The following CNTNAP4 variants were observed in gnomAD, a reference collection of about 807,000 sequenced individuals.
CNTNAP4 encodes contactin associated protein family member 4.
A neutral mutation model predicts 148.4 loss-of-function variants in CNTNAP4; 98 were observed. The observed-to-expected ratio is 0.66, with a 90% CI of 0.56 to 0.78. The LOEUF is 0.78. CNTNAP4 is among the 30% of genes least tolerant of loss of function. The pLI is 0.00. For synonymous variants in CNTNAP4, 730 were observed against 565.1 expected, an observed-to-expected ratio of 1.29 and a Z score of -4.14; for missense variants, 1,935 against 1,565.6, an observed-to-expected ratio of 1.24 and a Z score of -3.98.
intron 15 of CNTNAP4, among the ~76,000 whole-genome samples, chr16:76,512,503 A>G (rs1185978694): frequency 6.6e-6 from 1 of 152,172 alleles, no homozygotes; most frequent in Non-Finnish European, 1.5e-5. Context: ...GTTTGATCTA[A>G]TCAATTAGAG....
At chr16:76,425,263 A>G (rs185847767) in intron 3 of CNTNAP4, among the ~76,000 whole-genome samples, 6 of 152,314 alleles carry the variant, frequency 3.9e-5, no homozygotes, top group Admixed American at 1.3e-4. Flanking sequence ...GCGCTAGGTA[A>G]GTGTCCCTGC....
rs532511102 is a variant in CNTNAP4, at chr16:76,475,939, G to A, written c.1656G>A (p.Arg552=). Residue 552 remains arginine (R), a splice_region_variant and synonymous_variant, in exon 11 of 24, where the codon AGG becomes AGA. Transcript: ENST00000611870. ...TGATTGTATCTGCACCTTCTTTTAGGTGTTTGCCCAACTATTGTGAACACG... is the reference window on the plus strand; with the variant it reads ...TGATTGTATCTGCACCTTCTTTTAGATGTTTGCCCAACTATTGTGAACACG... ...LQIDSCGISD[R]CLPNYCEHGG... is the part of the protein sequence containing the mutation. The A allele has an allele frequency of 2.5e-6, 4 of 1,611,180 alleles. No individual in the cohort carries two copies. The highest frequency in any genetic ancestry group is 1.3e-5 in the African/African-American group (1 of 74,980).
intron 21 of CNTNAP4, among the ~76,000 whole-genome samples, chr16:76,546,572 C>T (rs1004173834): frequency 2.0e-5 from 3 of 152,196 alleles, no homozygotes; most frequent in South Asian, 2.1e-4. Flanking sequence ...AAGCTCAGGG[C>T]TCTCACTGAT....
At chr16:76,526,158 A>C (rs1333939916) in intron 17 of CNTNAP4, among the ~76,000 whole-genome samples, 1 of 152,100 alleles carries the variant, frequency 6.6e-6, no homozygotes, top group Non-Finnish European at 1.5e-5. Flanking sequence ...GAGTCCTCCT[A>C]ATTTGAGCAG....
chr16:76,538,091 A>C (rs758832912), intron 18 of CNTNAP4, 25 bp from the exon 19 acceptor site: 5 of 1,064,002 alleles, frequency 4.7e-6, no homozygotes, highest in Non-Finnish European at 6.2e-6. Context: ...ATTTTTAACA[A>C]AAATATATAT....
At chr16:76,542,344 G>C (rs1568578497) in intron 21 of CNTNAP4, among the ~76,000 whole-genome samples, 1 of 152,148 alleles carries the variant, frequency 6.6e-6, no homozygotes, top group East Asian at 1.9e-4. Context: ...TGTGACTAAG[G>C]TATTTCTGAA....
intron 3 of CNTNAP4, among the ~76,000 whole-genome samples, chr16:76,363,889 A>T (rs1349769502): frequency 6.6e-6 from 1 of 152,168 alleles, no homozygotes; most frequent in African/African-American, 2.4e-5. Context: ...ATAGCATGTT[A>T]CATCAATCCC....
chr16:76,467,546 T>C, intron 10 of CNTNAP4, 23 bp downstream of exon 10: 1 of 1,558,016 alleles, frequency 6.4e-7, no homozygotes, highest in Non-Finnish European at 8.7e-7. Context: ...TCACTTCATT[T>C]TGACCTGCTT....
intron 3 of CNTNAP4, among the ~76,000 whole-genome samples, chr16:76,374,267 C>G (rs184489915): frequency 1.2e-3 from 185 of 152,126 alleles, no homozygotes; most frequent in Non-Finnish European, 2.2e-3. Flanking sequence ...GAATTTGGGT[C>G]GGGCTAGAGA....
intron 3 of CNTNAP4, among the ~76,000 whole-genome samples, chr16:76,356,734 A>G (rs1031227804): frequency 3.3e-5 from 5 of 152,162 alleles, no homozygotes; most frequent in Admixed American, 6.5e-5. Flanking sequence ...TTGGAAGCCT[A>G]TTTGGGCACA....
chr16:76,497,045 A>G (rs1298838126), intron 14 of CNTNAP4, among the ~76,000 whole-genome samples: 1 of 152,242 alleles, frequency 6.6e-6, no homozygotes. Flanking sequence ...ATTCTAATAG[A>G]AATTCTTCAG....
intron 3 of CNTNAP4, among the ~76,000 whole-genome samples, chr16:76,397,945 CATATATATATATATATATATATATATAT>C (rs71134756): frequency 4.1e-5 from 1 of 24,134 alleles, no homozygotes; most frequent in African/African-American, 2.4e-4. Flanking sequence ...AGATTATATA[CATATATATATATATATATATATATATAT>C]ATATATATAT....
Position 76,479,529 on chromosome 16 carries a change from A to C in CNTNAP4, c.1873A>C (p.Asn625His), listed in dbSNP as rs1343786070. The C allele has an allele frequency of 6.2e-7, 1 of 1,607,422 alleles. No homozygotes were observed. Among genetic ancestry groups the C allele is most frequent in the Admixed American group, 1.7e-5 (1 of 58,774 alleles). Residue 625 changes from asparagine to histidine, a missense_variant, in exon 12 of 24, where the codon AAT becomes CAT. Transcript: ENST00000611870. ...CCTGGAACCATTTCTTCTATATTGCAATATGACCGGTGAGTTAATCAGCTT... is the reference window on the plus strand; with the variant it reads ...CCTGGAACCATTTCTTCTATATTGCCATATGACCGGTGAGTTAATCAGCTT... ...GPLEPFLLYC[N>H]MTETAWTIIQ...
At chr16:76,356,827 G>A (rs2012713897) in intron 3 of CNTNAP4, among the ~76,000 whole-genome samples, 1 of 151,994 alleles carries the variant, frequency 6.6e-6, no homozygotes, top group Non-Finnish European at 1.5e-5. Context: ...ACTCATTGAA[G>A]AAATGGACTG....
chr16:76,345,748 G>A (rs190270549), intron 2 of CNTNAP4, among the ~76,000 whole-genome samples: 10 of 152,168 alleles, frequency 6.6e-5, no homozygotes, highest in African/African-American at 2.4e-4. Context: ...TGTAAAACTG[G>A]CAAGAGGCTG....
chr16:76,344,665 T>C (rs144362454), intron 2 of CNTNAP4, among the ~76,000 whole-genome samples: 1 of 152,340 alleles, frequency 6.6e-6, no homozygotes, highest in East Asian at 1.9e-4. Flanking sequence ...CTTTAGCAGT[T>C]ATGAATATTG....
In CNTNAP4 at chr16:76,560,193, T is replaced by C. The variant is rs142641470; in HGVS notation, c.*1510T>C. Among the ~76,000 whole-genome samples, 495 of 152,262 alleles carry C rather than the reference T, an allele frequency of 3.3e-3. 3 individuals carry two copies. Among genetic ancestry groups the C allele is most frequent in the African/African-American group, 0.011 (475 of 41,564 alleles). ...CACCTTCAAGTGCCTCCCAAGTAAC[T>C]ATTGGATTTCTTAGTTTGTCTACAC... On this transcript the variant is annotated 3_prime_UTR_variant, in exon 24 of 24. Transcript: ENST00000611870.
At chr16:76,453,239 T>G (rs2080587766) in intron 8 of CNTNAP4, among the ~76,000 whole-genome samples, 1 of 152,230 alleles carries the variant, frequency 6.6e-6, no homozygotes, top group African/African-American at 2.4e-5. Context: ...GAATGGTAAC[T>G]TTATTTGCTG....
chr16:76,407,829 C>G (rs2078647829), intron 3 of CNTNAP4, among the ~76,000 whole-genome samples: 1 of 151,984 alleles, frequency 6.6e-6, no homozygotes, highest in African/African-American at 2.4e-5. Flanking sequence ...CTTTAATTTT[C>G]AAGTTTGGCT....
Sources: allele counts gnomAD v4.1 joint callset (sites outside exome capture counted in the v4.1 genomes callset), GRCh38; gene constraint gnomAD v4.1.1; transcripts MANE v1.5; gene names NCBI Gene and HGNC (gene_info 2026-07-23, HGNC 2026-07-21).